NSMAF: variants seen among roughly 807,000 people sequenced by gnomAD.
NSMAF encodes protein FAN.
A neutral mutation model predicts 134.9 loss-of-function variants in NSMAF; 90 were observed. That is an observed-to-expected ratio of 0.67 (90% CI 0.56 to 0.79). The LOEUF is 0.79. NSMAF is among the 30% of genes least tolerant of loss of function. The probability of loss-of-function intolerance (pLI) is 0.00; values close to 1 mark genes in which losing one functional copy is unlikely to be tolerated. For synonymous variants in NSMAF, 358 were observed against 389.6 expected, an observed-to-expected ratio of 0.92 and a Z score of 0.96; for missense variants, 1,010 against 1,119.0, an observed-to-expected ratio of 0.90 and a Z score of 1.39.
intron 1 of NSMAF, among the ~76,000 whole-genome samples, chr8:58,651,930 T>G (rs1180383892): frequency 6.6e-6 from 1 of 152,214 alleles, no homozygotes; most frequent in Admixed American, 6.5e-5. Flanking sequence ...GATTCTGATA[T>G]CTACATAAAA....
chr8:58,601,040 G>C (rs1806267011), intron 16 of NSMAF: 3 of 341,418 alleles, frequency 8.8e-6, no homozygotes, highest in Admixed American at 8.9e-5. Flanking sequence ...CTAATAATAT[G>C]GGAAAAACTT....
At chr8:58,643,787 T>C (rs185997045) in intron 1 of NSMAF, among the ~76,000 whole-genome samples, 340 of 152,228 alleles carry the variant, frequency 2.2e-3, no homozygotes, top group Non-Finnish European at 3.7e-3. Context: ...CACCTCGGCC[T>C]CCCAAAGTGC....
At chr8:58,646,476 T>A (rs1361224918) in intron 1 of NSMAF, among the ~76,000 whole-genome samples, 1 of 152,236 alleles carries the variant, frequency 6.6e-6, no homozygotes, top group Non-Finnish European at 1.5e-5. Flanking sequence ...GTCATTTTGG[T>A]AAGTGAATTA....
At chr8:58,609,852 A>G (rs1317114245) in intron 9 of NSMAF, 119 bp from the exon 10 acceptor site, 14 of 858,458 alleles carry the variant, frequency 1.6e-5, no homozygotes, top group East Asian at 2.7e-5. Flanking sequence ...TACATTTAAT[A>G]TAAGAAAAAT....
At chr8:58,585,850 T>C (rs373894009) in intron 29 of NSMAF, 48 bp downstream of exon 29, 16 of 1,583,070 alleles carry the variant, frequency 1.0e-5, no homozygotes, top group African/African-American at 2.7e-5. Context: ...GAAGTGATCA[T>C]GAACATGTCT....
chr8:58,614,966 CAG>C (rs1444593801), intron 9 of NSMAF, among the ~76,000 whole-genome samples: 2 of 151,784 alleles, frequency 1.3e-5, no homozygotes, highest in African/African-American at 4.8e-5. Flanking sequence ...TTTTTTAAAA[CAG>C]AATAAATACA....
intron 6 of NSMAF, among the ~76,000 whole-genome samples, chr8:58,625,394 A>ATATATATGTATGTATGTATATATG (rs145506455): frequency 6.6e-6 from 1 of 151,534 alleles, no homozygotes; most frequent in Non-Finnish European, 1.5e-5. Context: ...ATGTATATGC[A>ATATATATGTATGTATGTATATATG]TATGTATGTA....
chr8:58,600,395 C>A (rs897117764), intron 16 of NSMAF, among the ~76,000 whole-genome samples: 3 of 151,850 alleles, frequency 2.0e-5, no homozygotes, highest in African/African-American at 7.3e-5. Context: ...GAGGCCAAGG[C>A]GGGTGGATCA....
At position 58,595,740 on chromosome 8, in the gene NSMAF, TA is replaced by T; in HGVS notation, c.1793-82del. On this transcript the variant is annotated intron_variant, in intron 21 of 30. Transcript: ENST00000038176. ...GCATCAGATTAACAATATTTTCTATTAAAATCAAACAACTAAGAAATGAAAC... is the reference window on the plus strand; with the variant it reads ...GCATCAGATTAACAATATTTTCTATTAAATCAAACAACTAAGAAATGAAAC... 3.5e-6 allele frequency: 3 copies of T among 846,098 alleles called. No individual in the cohort carries two copies. In the South Asian group the frequency reaches 4.2e-5, roughly 12 times the overall value. The allele number at this position is 846,098 out of a possible 1,614,324, so 52.4% of individuals were successfully genotyped here.
chr8:58,630,523 G>T (rs1223105926), intron 6 of NSMAF, among the ~76,000 whole-genome samples: 12 of 152,084 alleles, frequency 7.9e-5, no homozygotes, highest in Admixed American at 3.9e-4. Flanking sequence ...TGGGGGTAGG[G>T]TTTCCTACTG....
At position 58,586,487 on chromosome 8, in the gene NSMAF, C is replaced by T; in HGVS notation, c.2417G>A (p.Gly806Glu). The change falls in exon 28 of 31, where the codon GGG (glycine) becomes GAG (glutamate). Residue 806 changes from glycine (G) to glutamate (E), a missense_variant. Physicochemically the swap from Gly to Glu is moderately conservative, Grantham distance 98 (BLOSUM62 -2). Transcript: ENST00000038176. ...GCTAAAAGCAGTGTCACATACAATCCCTGAATGGCATGGAATCTGGTGCAT... is the reference window on the plus strand; with the variant it reads ...GCTAAAAGCAGTGTCACATACAATCTCTGAATGGCATGGAATCTGGTGCAT... ...TLMHQIPCHSGIVCDTAFSPD... is the reference protein window; with the variant it reads ...TLMHQIPCHSEIVCDTAFSPD... 1 of 1,609,592 alleles carries T rather than the reference C, an allele frequency of 6.2e-7. No homozygotes were observed. Among genetic ancestry groups the T allele is most frequent in the Non-Finnish European group, 8.5e-7 (1 of 1,179,938 alleles).
intron 1 of NSMAF, among the ~76,000 whole-genome samples, chr8:58,645,395 T>C (rs1257655660): frequency 2.0e-5 from 3 of 152,158 alleles, no homozygotes; most frequent in Non-Finnish European, 4.4e-5. Flanking sequence ...GAATTATGGT[T>C]TCCAGCTTCA....
At chr8:58,592,695 C>G (rs1806044486) in intron 23 of NSMAF, among the ~76,000 whole-genome samples, 1 of 152,148 alleles carries the variant, frequency 6.6e-6, no homozygotes, top group African/African-American at 2.4e-5. Flanking sequence ...CAAGACCAAC[C>G]TGGCCAACAT....
At chr8:58,590,752 T>C in intron 24 of NSMAF, 115 bp downstream of exon 24, 1 of 1,131,970 alleles carries the variant, frequency 8.8e-7, no homozygotes, top group South Asian at 1.5e-5. Context: ...CTGGTAGATT[T>C]ACTACACAGG....
chr8:58,624,880 C>G (rs768643372), intron 6 of NSMAF, among the ~76,000 whole-genome samples: 3 of 152,300 alleles, frequency 2.0e-5, no homozygotes, highest in African/African-American at 7.2e-5. Context: ...CTATCTATTT[C>G]TCCCTTCAGT....
At chr8:58,585,826 A>G in intron 29 of NSMAF, 65 bp from the exon 30 acceptor site, 1 of 1,579,948 alleles carries the variant, frequency 6.3e-7, no homozygotes, top group Non-Finnish European at 8.7e-7. Flanking sequence ...GAACTGGCCA[A>G]TGTAAGCCCA....
At position 58,635,833 on chromosome 8, in the gene NSMAF, A is replaced by C. The variant is rs895820862; in HGVS notation, c.150-287T>G. Among the ~76,000 whole-genome samples the C allele has an allele frequency of 2.0e-5, 3 of 152,234 alleles. No individual in the cohort carries two copies. The East Asian group carries it at 5.8e-4, about 29-fold the overall frequency. On this transcript the variant is annotated intron_variant, in intron 2 of 30. Transcript: ENST00000038176. ...ACAGCATCTATTGGCTAGAAACTTA[A>C]TGAATCCAGAAACATCACACTGAGA... is the stretch of plus-strand genomic sequence containing the variant.
At chr8:58,643,417 C>T (rs1334821814) in intron 1 of NSMAF, among the ~76,000 whole-genome samples, 1 of 152,170 alleles carries the variant, frequency 6.6e-6, no homozygotes. Flanking sequence ...TTTGTTTCCC[C>T]TGACTGAACA....
At chr8:58,599,040 A>C (rs1806210519) in intron 19 of NSMAF, among the ~76,000 whole-genome samples, 192 bp downstream of exon 19, 1 of 152,134 alleles carries the variant, frequency 6.6e-6, no homozygotes, top group Non-Finnish European at 1.5e-5. Flanking sequence ...GAAAACCAAA[A>C]AAATATCTGA....
Sources: gnomAD v4.1 joint callset for allele counts (sites outside exome capture counted in the v4.1 genomes callset) on GRCh38, gnomAD v4.1.1 for gene constraint, MANE v1.5 for transcripts, NCBI Gene and HGNC (gene_info 2026-07-23, HGNC 2026-07-21) for gene names.